Variants in GRIK4 observed in about 807,000 individuals in gnomAD.
The protein encoded by GRIK4 is glutamate receptor ionotropic, kainate 4.
In GRIK4, 40 loss-of-function variants were observed where a neutral mutation model predicts 104.9. The ratio of observed to expected loss-of-function variants is 0.38; its 90% CI spans 0.30 to 0.50. The LOEUF is 0.50. GRIK4 is among the 20% of genes least tolerant of loss of function. GRIK4 has a pLI of 0.93. For missense variants in GRIK4, 1,047 were observed against 1,308.1 expected (o/e 0.80, Z 3.08); for synonymous variants, 485 against 524.9 (o/e 0.92, Z 1.04).
chr11:120,526,213 T>C (rs1184958196), intron 1 of GRIK4, among the ~76,000 whole-genome samples: 1 of 152,100 alleles, frequency 6.6e-6, no homozygotes, highest in Non-Finnish European at 1.5e-5. Context: ...TCTTTCTTTT[T>C]TTCCTTTGAG....
intron 13 of GRIK4, among the ~76,000 whole-genome samples, chr11:120,929,896 C>T (rs1943444761): frequency 6.6e-6 from 1 of 152,090 alleles, no homozygotes; most frequent in African/African-American, 2.4e-5. Context: ...GAATCTGGTT[C>T]TAATGTTCCA....
chr11:120,606,345 C>T (rs1948962641), intron 1 of GRIK4, among the ~76,000 whole-genome samples: 1 of 152,192 alleles, frequency 6.6e-6, no homozygotes, highest in East Asian at 1.9e-4. Context: ...TGGCATGGAC[C>T]ATGGCAGGCC....
At chr11:120,553,148 G>A (rs1948155988) in intron 1 of GRIK4, among the ~76,000 whole-genome samples, 2 of 152,212 alleles carry the variant, frequency 1.3e-5, no homozygotes, top group Non-Finnish European at 2.9e-5. Flanking sequence ...TGGGGCCATC[G>A]GCCCATAGGC....
intron 1 of GRIK4, among the ~76,000 whole-genome samples, chr11:120,531,436 A>G (rs993369694): frequency 1.3e-5 from 2 of 152,194 alleles, no homozygotes; most frequent in Non-Finnish European, 2.9e-5. Context: ...TGCTCTGTAC[A>G]TGTGCTCTCC....
intron 1 of GRIK4, among the ~76,000 whole-genome samples, chr11:120,617,385 T>G (rs986398989): frequency 1.4e-4 from 22 of 152,082 alleles, no homozygotes; most frequent in African/African-American, 5.1e-4. Context: ...TCTTATTTAT[T>G]TATTTATTTA....
intron 4 of GRIK4, among the ~76,000 whole-genome samples, chr11:120,808,504 A>G (rs986200256): frequency 2.0e-5 from 3 of 152,142 alleles, no homozygotes; most frequent in Non-Finnish European, 2.9e-5. Context: ...GCTTTGCGTG[A>G]TACGCTGTTG....
At chr11:120,602,225 T>C (rs561426394) in intron 1 of GRIK4, among the ~76,000 whole-genome samples, 1 of 152,300 alleles carries the variant, frequency 6.6e-6, no homozygotes, top group South Asian at 2.1e-4. Flanking sequence ...AGGCCCCCCT[T>C]CTAGTTTCTC....
intron 2 of GRIK4, among the ~76,000 whole-genome samples, chr11:120,658,720 G>A (rs1158540449): frequency 7.3e-6 from 1 of 137,268 alleles, no homozygotes; most frequent in Admixed American, 7.5e-5. Flanking sequence ...GGGGTTGGAG[G>A]ACGAAACTTT....
At position 120,950,082 on chromosome 11, in the gene GRIK4, G is replaced by T. The variant is rs140991595; in HGVS notation, c.1591-2773G>T. ...CCATCCACATAGAAAAAAATGGTAG[G>T]CATTCAGAATCTTGCAAGACACATA... is the stretch of plus-strand genomic sequence containing the variant. On this transcript the variant is annotated intron_variant, in intron 14 of 20. Transcript: ENST00000527524. Among the ~76,000 whole-genome samples the T allele has an allele frequency of 6.5e-3, 989 of 152,316 alleles. 10 individuals carry two copies. Among genetic ancestry groups the T allele is most frequent in the African/African-American group, 0.021 (855 of 41,572 alleles).
chr11:120,550,140 G>A (rs1948124460), intron 1 of GRIK4, among the ~76,000 whole-genome samples: 1 of 152,030 alleles, frequency 6.6e-6, no homozygotes, highest in Non-Finnish European at 1.5e-5. Context: ...TCAGGAGGCT[G>A]GTGCAGCGTC....
At chr11:120,568,457 G>T (rs187717280) in intron 1 of GRIK4, among the ~76,000 whole-genome samples, 1 of 151,344 alleles carries the variant, frequency 6.6e-6, no homozygotes, top group East Asian at 1.9e-4. Flanking sequence ...GCATAATCTT[G>T]GCCCACTGCA....
chr11:120,949,215 G>A (rs2134678088), intron 14 of GRIK4, among the ~76,000 whole-genome samples: 1 of 152,134 alleles, frequency 6.6e-6, no homozygotes, highest in South Asian at 2.1e-4. Context: ...TAGCTCCATG[G>A]ACAGCCCCAC....
At chr11:120,570,245 A>G (rs1375814785) in intron 1 of GRIK4, among the ~76,000 whole-genome samples, 1 of 152,244 alleles carries the variant, frequency 6.6e-6, no homozygotes, top group Non-Finnish European at 1.5e-5. Flanking sequence ...AATTACTCAT[A>G]GTTTATAAGT....
chr11:120,973,840 G>T (rs1240970626), intron 19 of GRIK4, among the ~76,000 whole-genome samples: 4 of 152,090 alleles, frequency 2.6e-5, no homozygotes, highest in Admixed American at 6.6e-5. Context: ...AACTTACTAT[G>T]GTATATAATT....
intron 1 of GRIK4, among the ~76,000 whole-genome samples, chr11:120,531,857 T>G (rs1170855033): frequency 2.0e-5 from 3 of 152,162 alleles, no homozygotes; most frequent in Non-Finnish European, 4.4e-5. Context: ...ATTACAGGTG[T>G]GAGCCACCGT....
chr11:120,778,118 A>G (rs1191398101), intron 3 of GRIK4, among the ~76,000 whole-genome samples: 1 of 152,204 alleles, frequency 6.6e-6, no homozygotes, highest in African/African-American at 2.4e-5. Context: ...TTCAATGCCT[A>G]TCATGTTATA....
chr11:120,737,056 A>G (rs1951237397), intron 3 of GRIK4, among the ~76,000 whole-genome samples: 1 of 152,190 alleles, frequency 6.6e-6, no homozygotes, highest in South Asian at 2.1e-4. Context: ...AGTCGTTGCA[A>G]TGGATTGGAA....
At chr11:120,906,452 G>A (rs897759826) in intron 13 of GRIK4, among the ~76,000 whole-genome samples, 7 of 152,200 alleles carry the variant, frequency 4.6e-5, no homozygotes, top group Non-Finnish European at 1.0e-4. Flanking sequence ...CTTTTAGCTG[G>A]TTGTTAGTCC....
At position 120,929,343 on chromosome 11, in the gene GRIK4, G is replaced by C. The variant is rs11606586; in HGVS notation, c.1477-11004G>C. Among the ~76,000 whole-genome samples the C allele has an allele frequency of 3.4e-4, 52 of 152,194 alleles. No individual in the cohort carries two copies. The South Asian group carries it at 0.011, about 31-fold the overall frequency. On this transcript the variant is annotated intron_variant, in intron 13 of 20. Coordinates refer to ENST00000527524, the MANE Select transcript of GRIK4 (RefSeq NM_014619.5). Reference sequence around the variant, plus strand: ...TAAGGGATGAGCCCTGCGGATGCTCGTGTGGGCCAGGAGTGGGAGTGAGCC... The same window carrying C: ...TAAGGGATGAGCCCTGCGGATGCTCCTGTGGGCCAGGAGTGGGAGTGAGCC...
Sources: gnomAD v4.1 joint callset for allele counts (sites outside exome capture counted in the v4.1 genomes callset) on GRCh38, gnomAD v4.1.1 for gene constraint, MANE v1.5 for transcripts, NCBI Gene and HGNC (gene_info 2026-07-23, HGNC 2026-07-21) for gene names.